COL23A1: variants seen among roughly 807,000 people sequenced by gnomAD.
COL23A1 encodes the protein collagen type XXIII alpha 1 chain, also known as collagen alpha-1(XXIII) chain.
In COL23A1, 97 loss-of-function variants were observed where a neutral mutation model predicts 99.3. The ratio of observed to expected loss-of-function variants is 0.98; its 90% CI spans 0.83 to 1.16. COL23A1 has a LOEUF of 1.16. Ranked by LOEUF, COL23A1 falls within the 50% of genes most tolerant of loss-of-function variation. COL23A1 has a pLI of 0.00. For synonymous variants in COL23A1, 320 were observed against 308.2 expected, an observed-to-expected ratio of 1.04 and a Z score of -0.40; for missense variants, 762 against 757.4, an observed-to-expected ratio of 1.01 and a Z score of -0.07.
rs546798832 is a variant in COL23A1, at chr5:178,545,727, A to G, written c.361+14955T>C. Among the ~76,000 whole-genome samples, 12 of 152,182 alleles carry G rather than the reference A, an allele frequency of 7.9e-5. 1 individual carries two copies. In the South Asian group the frequency reaches 2.5e-3, roughly 32 times the overall value. On this transcript the variant is annotated intron_variant, in intron 2 of 28. Transcript: ENST00000390654. Reference sequence around the variant, plus strand: ...GTGCTTTTCCACAGGGCAGCCACAGAAGGAACTTGCACCCTGGCACAAGCT... The same window carrying G: ...GTGCTTTTCCACAGGGCAGCCACAGGAGGAACTTGCACCCTGGCACAAGCT...
At chr5:178,247,447 G>T in intron 22 of COL23A1, 79 bp downstream of exon 22, 1 of 1,535,136 alleles carries the variant, frequency 6.5e-7, no homozygotes, top group Non-Finnish European at 9.0e-7. Flanking sequence ...CAGGCCCTTT[G>T]CTTTGCCCAT....
chr5:178,358,596 TGTATGTGTGTATGC>T (rs1761975158), intron 2 of COL23A1, among the ~76,000 whole-genome samples: 1 of 149,130 alleles, frequency 6.7e-6, no homozygotes, highest in South Asian at 2.2e-4. Flanking sequence ...TGTGTGTATG[TGTATGTGTGTATGC>T]GTGTATGTAT....
At chr5:178,248,117 G>T in intron 20 of COL23A1, 75 bp downstream of exon 20, 3 of 1,142,804 alleles carry the variant, frequency 2.6e-6, no homozygotes, top group African/African-American at 1.5e-5. Flanking sequence ...TGGCCTTTTT[G>T]TCCCAAGGCT....
At chr5:178,345,785 A>G (rs971152013) in intron 2 of COL23A1, among the ~76,000 whole-genome samples, 1 of 151,794 alleles carries the variant, frequency 6.6e-6, no homozygotes, top group Non-Finnish European at 1.5e-5. Context: ...TCAGCCTCCC[A>G]AAGTGCTGGG....
chr5:178,332,676 T>C (rs952245066), intron 2 of COL23A1, among the ~76,000 whole-genome samples: 2 of 152,046 alleles, frequency 1.3e-5, no homozygotes, highest in Non-Finnish European at 2.9e-5. Flanking sequence ...TTGGTCTATG[T>C]TTGATTTTAA....
At chr5:178,473,293 G>A (rs369584434) in intron 2 of COL23A1, among the ~76,000 whole-genome samples, 14 of 151,858 alleles carry the variant, frequency 9.2e-5, no homozygotes, top group East Asian at 5.8e-4. Context: ...GCAAGTACAC[G>A]CCATTTGACT....
At chr5:178,496,124 G>C (rs1329178106) in intron 2 of COL23A1, among the ~76,000 whole-genome samples, 1 of 152,156 alleles carries the variant, frequency 6.6e-6, no homozygotes, top group African/African-American at 2.4e-5. Flanking sequence ...GAACGAGCTT[G>C]TCCAGGGTAC....
At chr5:178,351,255 AGAG>A (rs2127678617) in intron 2 of COL23A1, 1 of 152,558 alleles carries the variant, frequency 6.6e-6, no homozygotes, top group Non-Finnish European at 1.5e-5. Context: ...AAAGGGAGCA[AGAG>A]GAGGAGTGAG....
intron 3 of COL23A1, among the ~76,000 whole-genome samples, chr5:178,292,385 T>C (rs1486536702): frequency 6.6e-6 from 1 of 152,194 alleles, no homozygotes; most frequent in Non-Finnish European, 1.5e-5. Context: ...CTCATGCAAG[T>C]CCTGCCCAAC....
chr5:178,249,032 G>A, intron 19 of COL23A1, 85 bp downstream of exon 19: 1 of 1,391,184 alleles, frequency 7.2e-7, no homozygotes, highest in South Asian at 1.2e-5. Flanking sequence ...GTCACGCCCT[G>A]GCCTCCCCAC....
rs981802462 is a variant in COL23A1 at position 178,381,360 on chromosome 5, T to G, written c.362-74441A>C. ...CACAGGGGAAGGCCAGCAAGTACGA[T>G]GGCCATGGGGATGGCGAGAAGGCTG... On this transcript the variant is annotated intron_variant, in intron 2 of 28. Transcript: ENST00000390654. 5.3e-5 allele frequency among the ~76,000 whole-genome samples: 8 copies of G among 152,134 alleles called. No homozygotes were observed. In the South Asian group the frequency reaches 1.5e-3, roughly 28 times the overall value.
chr5:178,288,448 C>CG, intron 4 of COL23A1, 98 bp from the exon 5 acceptor site: 1 of 1,050,884 alleles, frequency 9.5e-7, no homozygotes, highest in Non-Finnish European at 1.5e-6. Context: ...ACCCGCCCCC[C>CG]GACAGCTGGT....
At chr5:178,382,850 T>C (rs111360023) in intron 2 of COL23A1, among the ~76,000 whole-genome samples, 62 of 152,236 alleles carry the variant, frequency 4.1e-4, no homozygotes, top group African/African-American at 1.3e-3. Flanking sequence ...AGGCTGAGTG[T>C]AAGCCGTGAC....
chr5:178,536,341 G>A (rs1169198113), intron 2 of COL23A1, among the ~76,000 whole-genome samples: 1 of 152,250 alleles, frequency 6.6e-6, no homozygotes, highest in Non-Finnish European at 1.5e-5. Flanking sequence ...CCCCAGTGGG[G>A]CTTAGAGAGC....
chr5:178,382,251 T>A (rs1763422840), intron 2 of COL23A1, among the ~76,000 whole-genome samples: 1 of 152,104 alleles, frequency 6.6e-6, no homozygotes, highest in South Asian at 2.1e-4. Context: ...CGGCTGATCA[T>A]CACCCACATT....
At chr5:178,249,716 A>ACACTCTCTCT in intron 18 of COL23A1, among the ~76,000 whole-genome samples, 6 of 92,808 alleles carry the variant, frequency 6.5e-5, no homozygotes, top group African/African-American at 1.7e-4. Context: ...ACACACACAC[A>ACACTCTCTCT]CTCTCTCTCT....
At chr5:178,397,327 C>CGAG (rs1410527047) in intron 2 of COL23A1, among the ~76,000 whole-genome samples, 2 of 152,228 alleles carry the variant, frequency 1.3e-5, no homozygotes, top group Non-Finnish European at 2.9e-5. Flanking sequence ...GGGGGCGCTC[C>CGAG]GGCAGGCCTC....
At chr5:178,276,425 A>G (rs1286826701) in intron 5 of COL23A1, among the ~76,000 whole-genome samples, 2 of 152,212 alleles carry the variant, frequency 1.3e-5, no homozygotes, top group Admixed American at 1.3e-4. Context: ...CCCCTGGAAG[A>G]AGGGCTTACC....
chr5:178,355,645 G>A (rs142780099), intron 2 of COL23A1, among the ~76,000 whole-genome samples: 2,865 of 152,282 alleles, frequency 0.019, 57 homozygotes, highest in African/African-American at 0.053. Context: ...CAATTCTCCT[G>A]CCTCAGCCTC....
Sources: gnomAD v4.1 joint callset for allele counts (sites outside exome capture counted in the v4.1 genomes callset) on GRCh38, gnomAD v4.1.1 for gene constraint, MANE v1.5 for transcripts, NCBI Gene and HGNC (gene_info 2026-07-23, HGNC 2026-07-21) for gene names.